The following SPATA9 variants were observed in gnomAD, a reference collection of about 807,000 sequenced individuals.
SPATA9 encodes spermatogenesis-associated protein 9.
Under a neutral mutation model 25.5 loss-of-function variants are expected in SPATA9, and 27 were observed. That is an observed-to-expected ratio of 1.06 (90% CI 0.78 to 1.46). SPATA9 has a LOEUF of 1.46. Among genes scored for constraint, SPATA9 ranks in the 40% most tolerant of loss-of-function variants. The pLI is 0.00. For synonymous variants in SPATA9, 102 were observed against 105.7 expected, an observed-to-expected ratio of 0.97 and a Z score of 0.21; for missense variants, 282 against 297.5, an observed-to-expected ratio of 0.95 and a Z score of 0.38.
the SPATA9 span, among the ~76,000 whole-genome samples, chr5:95,728,953 A>C: frequency 5.3e-5 from 8 of 152,232 alleles, no homozygotes; most frequent in Non-Finnish European, 1.2e-4. Flanking sequence ...CTCCACCAGC[A>C]CAATGAGTCT....
the SPATA9 span, among the ~76,000 whole-genome samples, chr5:95,725,290 A>G: frequency 6.6e-6 from 1 of 152,278 alleles, no homozygotes; most frequent in Non-Finnish European, 1.5e-5. Context: ...TAAAAGAATC[A>G]AGGCACAAAT....
intron 1 of SPATA9, among the ~76,000 whole-genome samples, chr5:95,690,442 G>A (rs1753853100): frequency 6.6e-6 from 1 of 152,154 alleles, no homozygotes; most frequent in Non-Finnish European, 1.5e-5. Context: ...AGCACAAGGT[G>A]AGCCAGGGAG....
At chr5:95,654,320 A>T (rs764700872), downstream of SPATA9, 9 of 1,609,756 alleles carry the variant, frequency 5.6e-6, no homozygotes, top group Middle Eastern at 1.9e-4. Context: ...GGTAATATTC[A>T]ATTCCTTTTC....
rs573857758 is a variant in SPATA9, at chr5:95,672,003, TC to T, written c.378+3408del. Among the ~76,000 whole-genome samples, 3 of 150,542 alleles carry T rather than the reference TC, an allele frequency of 2.0e-5. No individual in the cohort carries two copies. In the East Asian group the frequency reaches 5.8e-4, roughly 29 times the overall value. On this transcript the variant is annotated intron_variant, in intron 3 of 4. Coordinates refer to ENST00000274432, the MANE Select transcript of SPATA9 (RefSeq NM_031952.4). ...GAGCTTACAAAAAGGAAAGGGACCT[TC>T]CCCCCACCCCCAATGCCACGAACAA... is the stretch of plus-strand genomic sequence containing the variant.
the SPATA9 span, among the ~76,000 whole-genome samples, chr5:95,722,523 C>G: frequency 0.014 from 2,199 of 152,032 alleles, 52 homozygotes; most frequent in African/African-American, 0.051. Flanking sequence ...TGGAGTCTCG[C>G]TCTGTCACCT....
the SPATA9 span, among the ~76,000 whole-genome samples, chr5:95,709,785 T>C: frequency 6.6e-6 from 1 of 152,200 alleles, no homozygotes; most frequent in African/African-American, 2.4e-5. Context: ...TTTCACACTT[T>C]TCTTCTGGCA....
chr5:95,685,897 C>T (rs914624284), upstream of SPATA9, among the ~76,000 whole-genome samples: 1 of 152,126 alleles, frequency 6.6e-6, no homozygotes, highest in Non-Finnish European at 1.5e-5. Flanking sequence ...AATGCAGTGG[C>T]GCGATCTCGG....
At chr5:95,665,555 C>G (rs1221564383) in intron 3 of SPATA9, among the ~76,000 whole-genome samples, 1 of 152,194 alleles carries the variant, frequency 6.6e-6, no homozygotes, top group African/African-American at 2.4e-5. Context: ...TGACAGAATT[C>G]TTTTTAATGG....
chr5:95,652,841 C>T (rs1277765017), downstream of SPATA9: 12 of 396,414 alleles, frequency 3.0e-5, no homozygotes, highest in East Asian at 3.3e-4. Flanking sequence ...TTTTCATGGA[C>T]CCCTAGCTTT....
rs757033001 is a variant in SPATA9 at position 95,690,884 on chromosome 5, A to AT, written n.124+7703dup. 8.5e-5 allele frequency among the ~76,000 whole-genome samples: 13 copies of AT among 152,170 alleles called. 1 individual carries two copies. The highest frequency in any genetic ancestry group is 1.9e-4 in the Non-Finnish European group (13 of 68,002). On this transcript the variant is annotated intron_variant and non_coding_transcript_variant, in intron 1 of 2. Transcript: ENST00000379990. ...AAAAGACAAACAATATTTCTGGTTT[A>AT]TTTTTTAATCTATATATAGTCAAAT... is the stretch of plus-strand genomic sequence containing the variant.
the SPATA9 span, chr5:95,708,887 T>C: frequency 1.3e-4 from 59 of 438,240 alleles, no homozygotes; most frequent in East Asian, 1.7e-3. Context: ...GAGGACATAA[T>C]AGGTGAAAAC....
chr5:95,712,544 G>A, the SPATA9 span, among the ~76,000 whole-genome samples: 1 of 152,222 alleles, frequency 6.6e-6, no homozygotes, highest in Non-Finnish European at 1.5e-5. Context: ...CAAGGGCAGG[G>A]TGTGTGTAGG....
At chr5:95,714,418 T>C in the SPATA9 span, among the ~76,000 whole-genome samples, 1 of 152,058 alleles carries the variant, frequency 6.6e-6, no homozygotes. Flanking sequence ...CAAGTAATCC[T>C]GTAGCAGAGA....
In SPATA9 at chr5:95,658,729, G is replaced by A. The variant is rs745720822; in HGVS notation, c.659C>T (p.Pro220Leu). The change falls in exon 5 of 5, where the codon CCA (proline) becomes CTA (leucine). Residue 220 changes from proline to leucine, a missense_variant. By Grantham distance (98) the Pro-to-Leu change is moderately conservative (BLOSUM62 -3). Coordinates refer to ENST00000274432, the MANE Select transcript of SPATA9 (RefSeq NM_031952.4). ...AKPYRSLPEK[P>L]DISDYPKLLA... ...AAGCTTGGGGTAATCTGAAATGTCTGGCTTCTCCGGCAATGACCTATAAGG... is the reference window on the plus strand; with the variant it reads ...AAGCTTGGGGTAATCTGAAATGTCTAGCTTCTCCGGCAATGACCTATAAGG... The A allele has an allele frequency of 1.5e-5, 24 of 1,613,770 alleles. No homozygotes were observed. In the East Asian group the frequency reaches 5.1e-4, roughly 34 times the overall value.
intron 1 of SPATA9, among the ~76,000 whole-genome samples, chr5:95,693,429 A>G (rs1580356972): frequency 6.6e-6 from 1 of 152,264 alleles, no homozygotes; most frequent in African/African-American, 2.4e-5. Context: ...CATAATGAAT[A>G]AATTTCAGGG....
intron 2 of SPATA9, among the ~76,000 whole-genome samples, 180 bp from the exon 3 acceptor site, chr5:95,675,819 C>CT (rs33943918): frequency 0.025 from 2,710 of 107,986 alleles, 83 homozygotes; most frequent in African/African-American, 0.061. Context: ...GTACTTAAAC[C>CT]TTTTTTTTTT....
chr5:95,731,736 G>C, the SPATA9 span: 1 of 1,611,804 alleles, frequency 6.2e-7, no homozygotes, highest in Non-Finnish European at 8.5e-7. Context: ...CGTGCCGTGC[G>C]CCCCAGGGAC....
chr5:95,652,563 A>C (rs1580259941), downstream of SPATA9: 1 of 443,028 alleles, frequency 2.3e-6, no homozygotes, highest in East Asian at 3.6e-5. Context: ...CAGTTCACCT[A>C]GCTGCACAAA....
the SPATA9 span, among the ~76,000 whole-genome samples, chr5:95,715,730 G>T: frequency 6.6e-6 from 1 of 152,068 alleles, no homozygotes; most frequent in African/African-American, 2.4e-5. Flanking sequence ...GGAAAATATT[G>T]ATAAATTTGA....
Sources: gnomAD v4.1 joint callset for allele counts (sites outside exome capture counted in the v4.1 genomes callset) on GRCh38, gnomAD v4.1.1 for gene constraint, MANE v1.5 for transcripts, NCBI Gene and HGNC (gene_info 2026-07-23, HGNC 2026-07-21) for gene names.